Variants in SCRN1 observed in about 807,000 individuals in gnomAD.
The protein encoded by SCRN1 is secernin-1.
Under a neutral mutation model 43.3 loss-of-function variants are expected in SCRN1, and 19 were observed. That is an observed-to-expected ratio of 0.44 (90% confidence interval 0.31 to 0.64). The LOEUF is 0.64. SCRN1 is among the 30% of genes least tolerant of loss of function. The pLI, the probability that SCRN1 is intolerant of heterozygous loss-of-function variation, is 0.09. For missense variants in SCRN1, 447 were observed against 524.1 expected (o/e 0.85, Z 1.44); for synonymous variants, 183 against 188.9 (o/e 0.97, Z 0.26).
In SCRN1 at chr7:29,955,338, T is replaced by C. The variant is rs747043189; in HGVS notation, c.182A>G (p.Gln61Arg). Residue 61 changes from glutamine to arginine, a missense_variant, in exon 3 of 8, where the codon CAA becomes CGA. Transcript: ENST00000242059. ...KVECTYISIDQVPRTYAIMIS... is the reference protein window; with the variant it reads ...KVECTYISIDRVPRTYAIMIS... ...CATTATGGCATAGGTCCTTGGAACT[T>C]GGTCGATTGAAATGTAAGTGCACTG... is the stretch of plus-strand genomic sequence containing the variant. The C allele has an allele frequency of 6.2e-7, 1 of 1,613,748 alleles. No individual in the cohort carries two copies. The highest frequency in any genetic ancestry group is 2.2e-5 in the East Asian group (1 of 44,880).
intron 1 of SCRN1, chr7:29,969,390 C>A: frequency 2.8e-6 from 1 of 352,154 alleles, no homozygotes; most frequent in Non-Finnish European, 5.4e-6. Context: ...AGACACACAC[C>A]ACACATACAC....
Position 29,923,669 on chromosome 7 carries a change from C to T in SCRN1, c.*288G>A, listed in dbSNP as rs1786844014. On this transcript the variant is annotated 3_prime_UTR_variant, in exon 8 of 8. Coordinates refer to ENST00000242059, the MANE Select transcript of SCRN1 (RefSeq NM_014766.5). ...GTCCTCTTGTAAAAGGCTAATGTGTCCATTGCCACTGAAATACAATAATAG... is the reference window on the plus strand; with the variant it reads ...GTCCTCTTGTAAAAGGCTAATGTGTTCATTGCCACTGAAATACAATAATAG... 1 of 290,844 alleles carries T rather than the reference C, an allele frequency of 3.4e-6. No homozygotes were observed. Among genetic ancestry groups the T allele is most frequent in the African/African-American group, 2.2e-5 (1 of 46,248 alleles). The allele number at this position is 290,844 out of a possible 1,614,324, so 18.0% of individuals were successfully genotyped here.
chr7:29,976,851 C>G (rs997580521), intron 1 of SCRN1, among the ~76,000 whole-genome samples: 1 of 152,174 alleles, frequency 6.6e-6, no homozygotes, highest in African/African-American at 2.4e-5. Flanking sequence ...GGCAGGAGGC[C>G]CAAGTTCAGG....
chr7:29,934,439 A>G (rs978905336), intron 6 of SCRN1, among the ~76,000 whole-genome samples: 1 of 152,204 alleles, frequency 6.6e-6, no homozygotes, highest in African/African-American at 2.4e-5. Context: ...ACTCTTTGGA[A>G]GGGTCCTGTT....
At chr7:29,956,702 A>G (rs1788149388) in intron 2 of SCRN1, among the ~76,000 whole-genome samples, 2 of 152,186 alleles carry the variant, frequency 1.3e-5, no homozygotes, top group Admixed American at 1.3e-4. Flanking sequence ...GGATAATGTC[A>G]TTTTACTTGA....
At chr7:29,924,204 T>C in intron 7 of SCRN1, 89 bp from the exon 8 acceptor site, 1 of 1,367,054 alleles carries the variant, frequency 7.3e-7, no homozygotes, top group South Asian at 1.4e-5. Context: ...GCCAGCTGGC[T>C]TCCTGCTCAA....
chr7:29,986,970 C>T (rs1412933039), intron 1 of SCRN1, among the ~76,000 whole-genome samples: 3 of 151,936 alleles, frequency 2.0e-5, no homozygotes, highest in Non-Finnish European at 2.9e-5. Flanking sequence ...GTGATCCGCC[C>T]GCCTCGGCCT....
Position 29,920,344 on chromosome 7 carries a change from T to C in SCRN1, c.*3613A>G, listed in dbSNP as rs1786712770. ...TTCTCACAGCATAATTGCAAACATG[T>C]ACATATTGGTTCCCACGAGAAATCT... On this transcript the variant is annotated 3_prime_UTR_variant, in exon 8 of 8. Coordinates refer to ENST00000242059, the MANE Select transcript of SCRN1 (RefSeq NM_014766.5). 6.6e-6 allele frequency: 1 copy of C among 152,218 alleles called. No homozygotes were observed. The highest frequency in any genetic ancestry group is 1.5e-5 in the Non-Finnish European group (1 of 68,038). The allele number at this position is 152,218 out of a possible 1,614,324, so 9.4% of individuals were successfully genotyped here.
chr7:29,940,899 T>C (rs1238318620), intron 4 of SCRN1, 23 bp from the exon 5 acceptor site: 4 of 1,465,836 alleles, frequency 2.7e-6, no homozygotes, highest in Non-Finnish European at 3.6e-6. Context: ...CAAAGCCCCA[T>C]AAGTTAAAAA....
At chr7:29,956,398 A>G (rs889943646) in intron 2 of SCRN1, among the ~76,000 whole-genome samples, 3 of 152,184 alleles carry the variant, frequency 2.0e-5, no homozygotes, top group African/African-American at 7.2e-5. Context: ...GCTGTATTGA[A>G]TTCAAGTCTC....
chr7:29,984,204 C>CAAAAAAAAAAAAAAAAAAAAAAAA (rs55733700), intron 1 of SCRN1, among the ~76,000 whole-genome samples: 2 of 98,252 alleles, frequency 2.0e-5, no homozygotes, highest in African/African-American at 3.7e-5. Flanking sequence ...AGACAGTCTC[C>CAAAAAAAAAAAAAAAAAAAAAAAA]AAAAAAAAAA....
At chr7:29,951,788 C>T (rs939373764) in intron 3 of SCRN1, among the ~76,000 whole-genome samples, 1 of 152,198 alleles carries the variant, frequency 6.6e-6, no homozygotes, top group African/African-American at 2.4e-5. Flanking sequence ...GAAACATACA[C>T]AAATTATACC....
intron 6 of SCRN1, among the ~76,000 whole-genome samples, chr7:29,927,501 G>A (rs1300749689): frequency 6.6e-6 from 1 of 152,086 alleles, no homozygotes; most frequent in African/African-American, 2.4e-5. Flanking sequence ...CCCACATCCA[G>A]AGGAAACACT....
At chr7:29,929,710 T>C (rs1309572501) in intron 6 of SCRN1, among the ~76,000 whole-genome samples, 4 of 152,264 alleles carry the variant, frequency 2.6e-5, no homozygotes, top group African/African-American at 7.2e-5. Flanking sequence ...CTGGCTCTCA[T>C]CTGACTACAG....
chr7:29,979,223 C>G (rs796310197), intron 1 of SCRN1, among the ~76,000 whole-genome samples: 18 of 151,984 alleles, frequency 1.2e-4, no homozygotes, highest in African/African-American at 4.3e-4. Context: ...ATTAGCCAGG[C>G]GTGGTGGCAC....
At chr7:29,975,998 G>C (rs142765088) in intron 1 of SCRN1, among the ~76,000 whole-genome samples, 142 of 152,324 alleles carry the variant, frequency 9.3e-4, no homozygotes, top group African/African-American at 3.4e-3. Flanking sequence ...GATAAGGATG[G>C]AAGTTGTAAA....
At chr7:29,940,522 T>C (rs1047509989) in intron 5 of SCRN1, among the ~76,000 whole-genome samples, 160 bp downstream of exon 5, 1 of 152,212 alleles carries the variant, frequency 6.6e-6, no homozygotes, top group Non-Finnish European at 1.5e-5. Flanking sequence ...AGTTGTTTTC[T>C]TGCCTGCACA....
chr7:29,989,818 C>A, upstream of SCRN1: 1 of 986,342 alleles, frequency 1.0e-6, no homozygotes, highest in Non-Finnish European at 1.2e-6. Flanking sequence ...CTGGGGCCCG[C>A]CGCCCCCCGC....
intron 3 of SCRN1, among the ~76,000 whole-genome samples, chr7:29,949,378 C>T (rs1469636114): frequency 6.8e-6 from 1 of 147,706 alleles, no homozygotes; most frequent in Non-Finnish European, 1.5e-5. Context: ...CTTTCCTTCA[C>T]TCTTTTTTTT....
Sources: allele counts gnomAD v4.1 joint callset (sites outside exome capture counted in the v4.1 genomes callset), GRCh38; gene constraint gnomAD v4.1.1; transcripts MANE v1.5; gene names NCBI Gene and HGNC (gene_info 2026-07-23, HGNC 2026-07-21).